The following LCOR variants were observed in gnomAD, a reference collection of about 807,000 sequenced individuals.
LCOR encodes the protein ligand-dependent corepressor.
LCOR carries 14 observed loss-of-function variants against 64.4 expected under a neutral mutation model. The ratio of observed to expected loss-of-function variants is 0.22; its 90% CI spans 0.14 to 0.34. LCOR has a LOEUF of 0.34. Ranked by LOEUF, LCOR falls within the 10% of genes least tolerant of loss-of-function variation. The probability of loss-of-function intolerance (pLI) is 1.00; values close to 1 mark genes in which losing one functional copy is unlikely to be tolerated. For synonymous variants in LCOR, 643 were observed against 642.5 expected (o/e 1.00, Z -0.01); for missense variants, 1,686 against 1,765.3 (o/e 0.96, Z 0.80).
chr10:96,949,340 T>C (rs767722121), intron 6 of LCOR, 45 bp downstream of exon 6: 13 of 1,548,232 alleles, frequency 8.4e-6, no homozygotes, highest in South Asian at 1.2e-5. Flanking sequence ...CAGAATACTT[T>C]ACTTTGGGGA....
chr10:96,871,782 A>C (rs1404225584), intron 2 of LCOR, among the ~76,000 whole-genome samples: 1 of 152,148 alleles, frequency 6.6e-6, no homozygotes, highest in Admixed American at 6.5e-5. Context: ...ATTTTTAAGA[A>C]GTAGCTACAG....
At chr10:96,949,496 T>A (rs965766975) in intron 6 of LCOR, among the ~76,000 whole-genome samples, 3 of 152,212 alleles carry the variant, frequency 2.0e-5, no homozygotes, top group African/African-American at 7.2e-5. Flanking sequence ...TTCATAGTCA[T>A]GATTGATGTA....
At position 96,894,884 on chromosome 10, in the gene LCOR, C is replaced by T. The variant is rs184916845; in HGVS notation, c.-329-12381C>T. The stretch of plus-strand genomic sequence containing the variant: ...AATAACAGTGCCATATATAATAGTT[C>T]AGATCAGCTAGTATTTTTTGAGTAC... On this transcript the variant is annotated intron_variant, in intron 2 of 7. Coordinates refer to ENST00000421806, the MANE Select transcript of LCOR (RefSeq NM_001346516.2). 2.6e-5 allele frequency among the ~76,000 whole-genome samples: 4 copies of T among 152,250 alleles called. No homozygotes were observed. In the East Asian group the frequency reaches 7.7e-4, roughly 29 times the overall value.
chr10:96,858,898 C>T (rs1203242785), intron 2 of LCOR, among the ~76,000 whole-genome samples: 3 of 152,128 alleles, frequency 2.0e-5, no homozygotes, highest in Non-Finnish European at 2.9e-5. Context: ...ACAAATTATT[C>T]TTTCTCTACT....
In LCOR at chr10:96,984,511, ATCAACCCTCTGATG is replaced by A. The variant is rs768783797; in HGVS notation, c.4054_4067del (p.Asn1352ProfsTer15). On this transcript the variant is annotated frameshift_variant, in exon 8 of 8. Transcript: ENST00000421806. LOFTEE classifies it high-confidence loss of function. ...TAAGCCAAGTCGTAAGAGCGTATGC[ATCAACCCTCTGATG>A]TCCCCCAAGCTTGCCCTGCAAGTGG... 6.2e-7 allele frequency: 1 copy of A among 1,614,228 alleles called. No homozygotes were observed. Among genetic ancestry groups the A allele is most frequent in the African/African-American group, 1.3e-5 (1 of 75,080 alleles).
intron 2 of LCOR, among the ~76,000 whole-genome samples, chr10:96,839,593 C>T (rs1845504067): frequency 1.3e-5 from 2 of 152,244 alleles, no homozygotes; most frequent in South Asian, 4.1e-4. Flanking sequence ...TGAGAGGAAT[C>T]TCACTAGCAG....
At chr10:96,918,771 A>G (rs920853849) in intron 4 of LCOR, among the ~76,000 whole-genome samples, 1 of 152,228 alleles carries the variant, frequency 6.6e-6, no homozygotes, top group African/African-American at 2.4e-5. Flanking sequence ...ATGCCTGAAT[A>G]TAAGAACCGT....
intron 2 of LCOR, among the ~76,000 whole-genome samples, chr10:96,873,212 A>G (rs1448131242): frequency 1.3e-5 from 2 of 152,306 alleles, no homozygotes; most frequent in East Asian, 3.9e-4. Flanking sequence ...GGTACCATGA[A>G]GTAAATGTTA....
chr10:96,877,634 C>T lies in LCOR; in HGVS notation c.-329-29631C>T, dbSNP rs534361282. On this transcript the variant is annotated intron_variant, in intron 2 of 7. Transcript: ENST00000421806. ...TTTTTTTTTTTTTTTTTTTTTGAGA[C>T]GGAGTCTCGCTCTGTCACCCACGCT... Among the ~76,000 whole-genome samples, 6 of 90,234 alleles carry T rather than the reference C, an allele frequency of 6.6e-5. No individual in the cohort carries two copies. The South Asian group carries it at 1.2e-3, about 18-fold the overall frequency. The allele number at this position is 90,234 out of a possible 152,430, so 59.2% of individuals were successfully genotyped here. A position where few individuals can be genotyped will look rare whatever the true frequency, so the allele number is the denominator to read the frequency against.
At chr10:96,909,964 A>G (rs762011392) in intron 4 of LCOR, among the ~76,000 whole-genome samples, 24 of 151,424 alleles carry the variant, frequency 1.6e-4, no homozygotes, top group South Asian at 6.3e-4. Flanking sequence ...ACAGTTACTA[A>G]TTTTTTTTTC....
In LCOR at chr10:96,989,858, GTTTT is replaced by G. The variant is rs1440695965; in HGVS notation, c.*4730_*4733del. 1 of 149,400 alleles carries G rather than the reference GTTTT, an allele frequency of 6.7e-6. No homozygotes were observed. Among genetic ancestry groups the G allele is most frequent in the Non-Finnish European group, 1.5e-5 (1 of 67,164 alleles). The allele number at this position is 149,400 out of a possible 1,614,324, so 9.3% of individuals were successfully genotyped here. ...AACCCAAGTATGAGTTTCTATGCTG[GTTTT>G]TTTTTAATGTGATTCAATGTCCTGT... On this transcript the variant is annotated 3_prime_UTR_variant, in exon 8 of 8. Coordinates refer to ENST00000421806, the MANE Select transcript of LCOR (RefSeq NM_001346516.2).
Position 96,927,122 on chromosome 10 carries a change from G to A in LCOR, c.-183-16991G>A, listed in dbSNP as rs193181994. On this transcript the variant is annotated intron_variant, in intron 4 of 7. Coordinates refer to ENST00000421806, the MANE Select transcript of LCOR (RefSeq NM_001346516.2). ...TACCAAAGTGACTGAACCATTTTGT[G>A]TTTCCATCAGCAGTGTATGAGAGTT... Among the ~76,000 whole-genome samples the A allele has an allele frequency of 5.4e-3, 822 of 152,212 alleles. 8 individuals carry two copies. The highest frequency in any genetic ancestry group is 0.017 in the African/African-American group (710 of 41,540).
At position 96,949,248 on chromosome 10, in the gene LCOR, C is replaced by T; in HGVS notation, c.191C>T (p.Pro64Leu). 1 of 1,614,078 alleles carries T rather than the reference C, an allele frequency of 6.2e-7. No homozygotes were observed. The highest frequency in any genetic ancestry group is 1.1e-5 in the South Asian group (1 of 91,076). ...SKLLMADQDS[P>L]LDLTVRKSQS... is the part of the protein sequence containing the mutation. ...CTTCTCATGGCTGACCAAGACTCAC[C>T]TCTGGACCTTACTGTCAGAAAGTCT... is the stretch of plus-strand genomic sequence containing the variant. Residue 64 changes from proline (P) to leucine (L), a missense_variant, in exon 6 of 8, where the codon CCT becomes CTT. Around this residue, in one of 3 missense-constraint regions of LCOR, gnomAD observed 80 missense variants for 107.7 expected, o/e 0.74. Transcript: ENST00000421806.
intron 2 of LCOR, among the ~76,000 whole-genome samples, chr10:96,875,737 G>A (rs888517741): frequency 6.6e-6 from 1 of 151,740 alleles, no homozygotes; most frequent in African/African-American, 2.4e-5. Flanking sequence ...TGGGGTGCCT[G>A]TATAGTCCCA....
chr10:96,920,776 ACACACACACACACACG>A (rs1049812533), intron 4 of LCOR, among the ~76,000 whole-genome samples: 24 of 125,666 alleles, frequency 1.9e-4, no homozygotes, highest in East Asian at 8.9e-4. Context: ...ACACACACAC[ACACACACACACACACG>A]CGCGGTGGGG....
At chr10:96,894,328 T>C (rs1846500965) in intron 2 of LCOR, among the ~76,000 whole-genome samples, 1 of 152,138 alleles carries the variant, frequency 6.6e-6, no homozygotes, top group Non-Finnish European at 1.5e-5. Flanking sequence ...CCGACCACCT[T>C]GGCCTCCCAA....
intron 7 of LCOR, among the ~76,000 whole-genome samples, chr10:96,975,151 A>G (rs958094606): frequency 6.6e-6 from 1 of 152,236 alleles, no homozygotes; most frequent in Non-Finnish European, 1.5e-5. Context: ...AGCCTGGGCG[A>G]CAGAGGGAGA....
intron 2 of LCOR, among the ~76,000 whole-genome samples, chr10:96,871,831 A>G (rs1255040022): frequency 6.8e-6 from 1 of 146,936 alleles, no homozygotes; most frequent in Non-Finnish European, 1.5e-5. Flanking sequence ...TATTGTAGGC[A>G]GAAAGGAGGA....
intron 5 of LCOR, among the ~76,000 whole-genome samples, chr10:96,945,807 A>G (rs928093888): frequency 6.6e-6 from 1 of 152,094 alleles, no homozygotes; most frequent in Admixed American, 6.6e-5. Flanking sequence ...CTCTTTGCTT[A>G]GGGGACATTA....
Sources: allele counts gnomAD v4.1 joint callset (sites outside exome capture counted in the v4.1 genomes callset), GRCh38; gene constraint gnomAD v4.1.1; regional missense constraint gnomAD v4.1.1; transcripts MANE v1.5; gene names NCBI Gene and HGNC (gene_info 2026-07-23, HGNC 2026-07-21).